Variants in PDE1C observed in about 807,000 individuals in gnomAD.
PDE1C encodes dual specificity calcium/calmodulin-dependent 3',5'-cyclic nucleotide phosphodiesterase 1C.
PDE1C carries 62 observed loss-of-function variants against 93.1 expected under a neutral mutation model. The observed-to-expected ratio is 0.67, with a 90% CI of 0.54 to 0.82. The LOEUF (loss-of-function observed/expected upper bound fraction) is 0.82. Ranked by LOEUF, PDE1C falls within the 40% of genes least tolerant of loss-of-function variation. The pLI is 0.00. For missense variants in PDE1C, 742 were observed against 884.6 expected, an observed-to-expected ratio of 0.84 and a Z score of 2.04; for synonymous variants, 325 against 310.1, an observed-to-expected ratio of 1.05 and a Z score of -0.50.
the PDE1C span, chr7:31,656,371 A>G: frequency 2.8e-6 from 1 of 353,202 alleles, no homozygotes. Flanking sequence ...AACAACATAG[A>G]GTTGTTGGAC....
At chr7:31,888,536 T>C (rs1798249651) in intron 2 of PDE1C, among the ~76,000 whole-genome samples, 1 of 152,020 alleles carries the variant, frequency 6.6e-6, no homozygotes. Context: ...AAAGAGACTA[T>C]TACTACAGAT....
chr7:32,315,782 G>A (rs879668584), intron 1 of PDE1C, among the ~76,000 whole-genome samples: 16 of 152,156 alleles, frequency 1.1e-4, no homozygotes, highest in Non-Finnish European at 2.1e-4. Flanking sequence ...GATCACCTGA[G>A]GTTGGGTGTT....
chr7:31,792,011 A>G (rs1784640790), intron 16 of PDE1C, among the ~76,000 whole-genome samples: 1 of 152,030 alleles, frequency 6.6e-6, no homozygotes, highest in East Asian at 1.9e-4. Context: ...TGAATAAAAG[A>G]AGTTTGTGTG....
intron 1 of PDE1C, among the ~76,000 whole-genome samples, chr7:32,338,860 A>G (rs61009489): frequency 0.014 from 2,126 of 151,984 alleles, 68 homozygotes; most frequent in African/African-American, 0.049. Context: ...AAAATTAGCC[A>G]AGCGTGGTGG....
rs138005052 is a variant in PDE1C at position 31,821,876 on chromosome 7, C to A, written c.1582+1197G>T. On this transcript the variant is annotated intron_variant, in intron 14 of 17. Coordinates refer to ENST00000396191, the MANE Select transcript of PDE1C (RefSeq NM_001191057.4). ...CAGCCCCAACCCAATATATGGGAAC[C>A]AACACTGCTAGAACATGCTCTTACC... is the stretch of plus-strand genomic sequence containing the variant. Among the ~76,000 whole-genome samples the A allele has an allele frequency of 2.2e-3, 329 of 152,168 alleles. 4 individuals are homozygous for A. Among genetic ancestry groups the A allele is most frequent in the African/African-American group, 7.4e-3 (307 of 41,536 alleles).
intron 1 of PDE1C, among the ~76,000 whole-genome samples, chr7:32,055,339 T>C (rs1348892212): frequency 6.6e-6 from 1 of 152,150 alleles, no homozygotes; most frequent in Non-Finnish European, 1.5e-5. Context: ...TCCATTCCTC[T>C]TACACAAGTT....
At chr7:32,124,769 A>G (rs1275478322) in intron 3 of PDE1C, among the ~76,000 whole-genome samples, 1 of 152,096 alleles carries the variant, frequency 6.6e-6, no homozygotes, top group Non-Finnish European at 1.5e-5. Flanking sequence ...AACCATAAAA[A>G]CCCTATGAGA....
chr7:31,970,153 T>G (rs980569759), intron 2 of PDE1C, among the ~76,000 whole-genome samples: 3 of 151,996 alleles, frequency 2.0e-5, no homozygotes, highest in Non-Finnish European at 4.4e-5. Context: ...AATAATAAAA[T>G]TTTTTTAAAA....
intron 2 of PDE1C, among the ~76,000 whole-genome samples, chr7:31,913,991 T>C (rs1317883116): frequency 1.3e-5 from 2 of 152,176 alleles, no homozygotes; most frequent in Non-Finnish European, 2.9e-5. Context: ...CCAGCAATTA[T>C]CCTCATTCCT....
intron 5 of PDE1C, 32 bp downstream of exon 5, chr7:31,877,938 T>G (rs377536987): frequency 1.4e-6 from 2 of 1,450,328 alleles, no homozygotes; most frequent in African/African-American, 2.8e-5. Flanking sequence ...TTAGGTACCA[T>G]GTACATTGTA....
chr7:32,095,206 T>G (rs940916311), intron 3 of PDE1C, among the ~76,000 whole-genome samples: 2 of 152,162 alleles, frequency 1.3e-5, no homozygotes, highest in Non-Finnish European at 2.9e-5. Flanking sequence ...TCAAAAACAA[T>G]GTTCCATGCT....
At chr7:32,222,421 G>A (rs1806940142) in intron 1 of PDE1C, among the ~76,000 whole-genome samples, 1 of 152,174 alleles carries the variant, frequency 6.6e-6, no homozygotes, top group African/African-American at 2.4e-5. Context: ...CACTTGAGCT[G>A]CTCGATAAAG....
Position 32,267,582 on chromosome 7 carries a change from A to ACTCTCTCTCTCTCT in PDE1C, c.85+31068_85+31069insAGAGAGAGAGAGAG, listed in dbSNP as rs1562634837. On this transcript the variant is annotated intron_variant, in intron 1 of 18. Coordinates refer to the PDE1C transcript ENST00000396193. ...CTCTTTCTCTCTCTCTCACACACACACACACTCTCTCTCTCTCTCTCTCTC... is the reference window on the plus strand; with the variant it reads ...CTCTTTCTCTCTCTCTCACACACACACTCTCTCTCTCTCTCACACTCTCTCTCTCTCTCTCTCTC... 4.3e-5 allele frequency among the ~76,000 whole-genome samples: 3 copies of ACTCTCTCTCTCTCT among 70,494 alleles called. No homozygotes were observed. The Admixed American group carries it at 5.9e-4, about 14-fold the overall frequency. The allele number at this position is 70,494 out of a possible 152,430, so 46.2% of individuals were successfully genotyped here.
intron 1 of PDE1C, among the ~76,000 whole-genome samples, chr7:32,293,607 G>A (rs1280755045): frequency 1.3e-5 from 2 of 152,154 alleles, no homozygotes; most frequent in Non-Finnish European, 2.9e-5. Context: ...AGGAAACAGA[G>A]GCTCAGAGAT....
At chr7:31,834,439 G>C (rs1290138565) in intron 11 of PDE1C, among the ~76,000 whole-genome samples, 1 of 152,152 alleles carries the variant, frequency 6.6e-6, no homozygotes, top group Non-Finnish European at 1.5e-5. Context: ...TCAGGAGGGA[G>C]GCTGCACCTG....
In PDE1C at chr7:32,034,691, C is replaced by T. The variant is rs565599960; in HGVS notation, c.128+16863G>A. On this transcript the variant is annotated intron_variant, in intron 2 of 17. Coordinates refer to ENST00000396191, the MANE Select transcript of PDE1C (RefSeq NM_001191057.4). ...CTAAGTCATAATCCCACCTTTGTCACTATATCCCAATACCTCCAAAGTTAA... is the reference window on the plus strand; with the variant it reads ...CTAAGTCATAATCCCACCTTTGTCATTATATCCCAATACCTCCAAAGTTAA... Among the ~76,000 whole-genome samples, 4 of 152,274 alleles carry T rather than the reference C, an allele frequency of 2.6e-5. No homozygotes were observed. In the South Asian group the frequency reaches 8.3e-4, roughly 32 times the overall value.
At chr7:31,729,511 G>A in the PDE1C span, among the ~76,000 whole-genome samples, 1 of 152,160 alleles carries the variant, frequency 6.6e-6, no homozygotes, top group African/African-American at 2.4e-5. Flanking sequence ...TTTAACAATA[G>A]CAGTAAATTT....
intron 1 of PDE1C, among the ~76,000 whole-genome samples, chr7:32,414,541 C>A (rs1583430009): frequency 6.6e-6 from 1 of 152,142 alleles, no homozygotes; most frequent in East Asian, 1.9e-4. Flanking sequence ...TTGCAACAAG[C>A]ATGCTTTTTT....
chr7:32,393,108 A>AT (rs1356617138), intron 1 of PDE1C, among the ~76,000 whole-genome samples: 1 of 151,652 alleles, frequency 6.6e-6, no homozygotes, highest in Non-Finnish European at 1.5e-5. Context: ...ATAAAAGAAA[A>AT]TTTCCTCACC....
Sources: gnomAD v4.1 joint callset for allele counts (sites outside exome capture counted in the v4.1 genomes callset) on GRCh38, gnomAD v4.1.1 for gene constraint, MANE v1.5 for transcripts, NCBI Gene and HGNC (gene_info 2026-07-23, HGNC 2026-07-21) for gene names.